DCT: variants seen among roughly 807,000 people sequenced by gnomAD.
The protein encoded by DCT is L-dopachrome tautomerase.
DCT carries 47 observed loss-of-function variants against 53.0 expected under a neutral mutation model. The ratio of observed to expected loss-of-function variants is 0.89; its 90% CI spans 0.70 to 1.13. The LOEUF is 1.13. Ranked by LOEUF, DCT falls within the 50% of genes most tolerant of loss-of-function variation. The pLI is 0.00. For missense variants in DCT, 669 were observed against 637.4 expected (o/e 1.05, Z -0.53); for synonymous variants, 244 against 237.0 (o/e 1.03, Z -0.27).
intron 2 of DCT, chr13:94,467,338 T>C (rs1374875651): frequency 6.6e-6 from 1 of 151,946 alleles, no homozygotes; most frequent in East Asian, 1.9e-4. Flanking sequence ...CTTCCCTTTT[T>C]CATAACAGCT....
the DCT span, among the ~76,000 whole-genome samples, chr13:94,541,440 G>A: frequency 3.3e-5 from 5 of 151,752 alleles, no homozygotes; most frequent in African/African-American, 1.2e-4. Context: ...AGAGGCAGAG[G>A]TTGCAGTGAG....
chr13:94,539,026 C>T, the DCT span, among the ~76,000 whole-genome samples: 5 of 152,170 alleles, frequency 3.3e-5, no homozygotes, highest in South Asian at 4.1e-4. Context: ...CACCACCAGG[C>T]GACACATTAA....
chr13:94,524,724 G>A, the DCT span, among the ~76,000 whole-genome samples: 4 of 151,644 alleles, frequency 2.6e-5, no homozygotes, highest in Middle Eastern at 3.4e-3. Context: ...TTTTGTTGTC[G>A]GTTGAATTGT....
chr13:94,509,031 A>G, the DCT span, among the ~76,000 whole-genome samples: 3 of 152,260 alleles, frequency 2.0e-5, no homozygotes, highest in Admixed American at 2.0e-4. Context: ...ATCAGACCCT[A>G]CTGAGAGAGG....
the DCT span, among the ~76,000 whole-genome samples, chr13:94,499,408 G>T: frequency 8.3e-4 from 126 of 152,062 alleles, no homozygotes; most frequent in African/African-American, 2.9e-3. Flanking sequence ...AAAGCATAAA[G>T]ATATATGCTC....
chr13:94,534,258 A>G, the DCT span, among the ~76,000 whole-genome samples: 4 of 152,214 alleles, frequency 2.6e-5, no homozygotes, highest in Non-Finnish European at 1.5e-5. Context: ...AAAGTAATCA[A>G]GTAAGTTTCC....
chr13:94,534,044 A>G, the DCT span, among the ~76,000 whole-genome samples: 1 of 152,122 alleles, frequency 6.6e-6, no homozygotes, highest in Non-Finnish European at 1.5e-5. Flanking sequence ...CATGATTTCC[A>G]ATAGAACAAG....
chr13:94,519,788 A>G, the DCT span, among the ~76,000 whole-genome samples: 184 of 152,334 alleles, frequency 1.2e-3, no homozygotes, highest in Non-Finnish European at 2.0e-3. Context: ...GTGGTGCTTA[A>G]AGAAATGCAA....
chr13:94,508,348 C>A, the DCT span, among the ~76,000 whole-genome samples: 1 of 152,072 alleles, frequency 6.6e-6, no homozygotes, highest in Admixed American at 6.5e-5. Flanking sequence ...TATACTGGAC[C>A]CCAAGAAAGG....
At chr13:94,464,953 T>C (rs1247497599) in intron 4 of DCT, among the ~76,000 whole-genome samples, 1 of 152,080 alleles carries the variant, frequency 6.6e-6, no homozygotes, top group African/African-American at 2.4e-5. Flanking sequence ...GAGAATTATC[T>C]AGCTTCACAC....
chr13:94,524,166 C>A, the DCT span, among the ~76,000 whole-genome samples: 1 of 152,184 alleles, frequency 6.6e-6, no homozygotes, highest in African/African-American at 2.4e-5. Flanking sequence ...AGAAGGCTGG[C>A]ATTTGTAACA....
the DCT span, among the ~76,000 whole-genome samples, chr13:94,498,929 T>A: frequency 6.6e-6 from 1 of 151,932 alleles, no homozygotes; most frequent in Non-Finnish European, 1.5e-5. Flanking sequence ...AGCTAAAGGA[T>A]TGTAAATGCG....
At chr13:94,498,158 T>C in the DCT span, among the ~76,000 whole-genome samples, 2 of 152,178 alleles carry the variant, frequency 1.3e-5, no homozygotes, top group African/African-American at 4.8e-5. Context: ...AAGAATTGCA[T>C]GTGGATAAAA....
At chr13:94,473,692 A>C (rs1403695996) in intron 1 of DCT, among the ~76,000 whole-genome samples, 1 of 152,240 alleles carries the variant, frequency 6.6e-6, no homozygotes, top group Non-Finnish European at 1.5e-5. Flanking sequence ...AAGAAACTTT[A>C]ATGTAACCAG....
the DCT span, among the ~76,000 whole-genome samples, chr13:94,513,193 G>A: frequency 4.6e-5 from 7 of 152,182 alleles, no homozygotes; most frequent in Admixed American, 1.3e-4. Context: ...TTCCCAAGGC[G>A]ACAGCTCTGT....
chr13:94,499,326 G>T, the DCT span, among the ~76,000 whole-genome samples: 5 of 152,142 alleles, frequency 3.3e-5, no homozygotes, highest in African/African-American at 9.6e-5. Context: ...CCCACCAGAA[G>T]GAACCAATTC....
In DCT at chr13:94,462,055, T is replaced by C; in HGVS notation, c.998A>G (p.Lys333Arg). 2 of 1,613,354 alleles carry C rather than the reference T, an allele frequency of 1.2e-6. No homozygotes were observed. Among genetic ancestry groups the C allele is most frequent in the Non-Finnish European group, 1.7e-6 (2 of 1,179,876 alleles). ...CTGGAAGAAGGGAGGATTGTCAAACTTCTGGAGAGACAGGCAATCTCGTAT... is the reference window on the plus strand; with the variant it reads ...CTGGAAGAAGGGAGGATTGTCAAACCTCTGGAGAGACAGGCAATCTCGTAT... Reference protein sequence around the residue: ...KDIRDCLSLQKFDNPPFFQNS... With the variant: ...KDIRDCLSLQRFDNPPFFQNS... Residue 333 changes from lysine to arginine, a missense_variant, in exon 5 of 8, where the codon AAG becomes AGG. Physicochemically the swap from Lys to Arg is conservative, Grantham distance 26 (BLOSUM62 2). Coordinates refer to ENST00000377028, the MANE Select transcript of DCT (RefSeq NM_001922.5).
the DCT span, among the ~76,000 whole-genome samples, chr13:94,517,016 A>T: frequency 6.6e-6 from 1 of 152,260 alleles, no homozygotes; most frequent in African/African-American, 2.4e-5. Context: ...GTACAAAGAT[A>T]CATTATTGCA....
the DCT span, among the ~76,000 whole-genome samples, chr13:94,531,323 A>G: frequency 3.1e-3 from 474 of 152,310 alleles, 2 homozygotes; most frequent in African/African-American, 0.011. Context: ...AAAAGAGCCC[A>G]CAATGCCAAG....
Sources: allele counts gnomAD v4.1 joint callset (sites outside exome capture counted in the v4.1 genomes callset), GRCh38; gene constraint gnomAD v4.1.1; transcripts MANE v1.5; gene names NCBI Gene and HGNC (gene_info 2026-07-23, HGNC 2026-07-21).